The following TENT4B variants were observed in gnomAD, a reference collection of about 807,000 sequenced individuals.
TENT4B encodes terminal nucleotidyltransferase 4B.
TENT4B carries 10 observed loss-of-function variants against 75.0 expected under a neutral mutation model. The observed-to-expected ratio is 0.13, with a 90% confidence interval of 0.08 to 0.23. The LOEUF is 0.23. Ranked by LOEUF, TENT4B falls within the 10% of genes least tolerant of loss-of-function variation. The pLI, the probability that TENT4B is intolerant of heterozygous loss-of-function variation, is 1.00. For synonymous variants in TENT4B, 350 were observed against 357.7 expected (o/e 0.98, Z 0.24); for missense variants, 579 against 893.8 (o/e 0.65, Z 4.49).
chr16:50,188,889 G>A (rs1319051976), intron 1 of TENT4B, among the ~76,000 whole-genome samples: 1 of 152,124 alleles, frequency 6.6e-6, no homozygotes, highest in Admixed American at 6.6e-5. Flanking sequence ...AACAAAACAA[G>A]ATACATGCTG....
In TENT4B at chr16:50,170,145, G is replaced by A. The variant is rs182852011; in HGVS notation, c.638+15886G>A. On this transcript the variant is annotated intron_variant, in intron 1 of 11. Coordinates refer to ENST00000561678, the MANE Select transcript of TENT4B (RefSeq NM_001365324.3). ...CCGCTCACTGCAACCTCAGCCTCCC[G>A]AGTAGCTGGGATTACAGGCGCCTGC... Among the ~76,000 whole-genome samples the A allele has an allele frequency of 9.1e-4, 138 of 151,748 alleles. 1 individual carries two copies. The highest frequency in any genetic ancestry group is 3.3e-3 in the African/African-American group (135 of 41,358).
chr16:50,153,056 G>A (rs1161854393), upstream of TENT4B: 18 of 1,479,510 alleles, frequency 1.2e-5, no homozygotes, highest in Middle Eastern at 1.1e-3. Flanking sequence ...CTCCACAGAT[G>A]GCGCAAGTAC....
chr16:50,189,789 G>C (rs1596692852), intron 1 of TENT4B, among the ~76,000 whole-genome samples: 1 of 151,964 alleles, frequency 6.6e-6, no homozygotes, highest in East Asian at 1.9e-4. Flanking sequence ...GGTAGCTCAC[G>C]TAATCCCAGC....
In TENT4B at chr16:50,212,958, C is replaced by G. The variant is rs2031366343; in HGVS notation, c.763-1263C>G. ...ATCTATCTATCTCTTTCTCTCCAGC[C>G]AGCCAGGCAGCCATCATCTGTCTAC... On this transcript the variant is annotated intron_variant, in intron 2 of 11. Transcript: ENST00000561678. 2.6e-5 allele frequency among the ~76,000 whole-genome samples: 4 copies of G among 152,166 alleles called. No homozygotes were observed. In the South Asian group the frequency reaches 8.3e-4, roughly 31 times the overall value.
intron 1 of TENT4B, among the ~76,000 whole-genome samples, chr16:50,209,240 A>G (rs1282079667): frequency 6.6e-6 from 1 of 152,208 alleles, no homozygotes; most frequent in Non-Finnish European, 1.5e-5. Context: ...GATCACTCAC[A>G]GCAGACTACG....
At chr16:50,199,985 G>A (rs1348502719) in intron 1 of TENT4B, among the ~76,000 whole-genome samples, 1 of 152,110 alleles carries the variant, frequency 6.6e-6, no homozygotes, top group Non-Finnish European at 1.5e-5. Context: ...AGGTTTTTTT[G>A]TGTGTGGACA....
intron 5 of TENT4B, among the ~76,000 whole-genome samples, chr16:50,219,994 T>A (rs1044886096): frequency 0.19 from 52 of 268 alleles, no homozygotes; most frequent in East Asian, 0.5. Context: ...TTTTTTTTAA[T>A]TTTTTTTTTT....
intron 1 of TENT4B, among the ~76,000 whole-genome samples, chr16:50,177,244 C>A (rs1429351964): frequency 6.6e-6 from 1 of 152,048 alleles, no homozygotes. Context: ...CTCAGGTGAT[C>A]CACCTGTCTT....
At position 50,185,853 on chromosome 16, in the gene TENT4B, C is replaced by T. The variant is rs186017457; in HGVS notation, c.639-25470C>T. Among the ~76,000 whole-genome samples, 123 of 152,198 alleles carry T rather than the reference C, an allele frequency of 8.1e-4. 2 individuals are homozygous for T. Among genetic ancestry groups the T allele is most frequent in the African/African-American group, 2.3e-3 (96 of 41,534 alleles). On this transcript the variant is annotated intron_variant, in intron 1 of 11. Transcript: ENST00000561678. ...ACCTGTCCTCAGAGGCAAATGTGTG[C>T]CCTTTCCATCCGTACTTTTATGCTC...
At chr16:50,164,674 A>G (rs1259524666) in intron 1 of TENT4B, among the ~76,000 whole-genome samples, 2 of 152,098 alleles carry the variant, frequency 1.3e-5, no homozygotes, top group East Asian at 1.9e-4. Flanking sequence ...CTGGTTTTCA[A>G]TCTAAATTTT....
Position 50,229,390 on chromosome 16 carries a change from A to G in TENT4B, c.*62A>G. 3 of 1,531,958 alleles carry G rather than the reference A, an allele frequency of 2.0e-6. No homozygotes were observed. The highest frequency in any genetic ancestry group is 2.6e-6 in the Non-Finnish European group (3 of 1,145,072). 94.9% of individuals were successfully genotyped at this position (1,531,958 alleles called of 1,614,324 possible). A position where few individuals can be genotyped will look rare whatever the true frequency, so the allele number is the denominator to read the frequency against. On this transcript the variant is annotated 3_prime_UTR_variant, in exon 12 of 12. Coordinates refer to ENST00000561678, the MANE Select transcript of TENT4B (RefSeq NM_001365324.3). ...GATCTCATGCTCAGGACAGTTGCGC[A>G]GGGACTCCTGGGAGATATTCAGGAG... is the stretch of plus-strand genomic sequence containing the variant.
intron 1 of TENT4B, among the ~76,000 whole-genome samples, chr16:50,155,798 T>C (rs2037886993): frequency 6.6e-6 from 1 of 152,144 alleles, no homozygotes; most frequent in Non-Finnish European, 1.5e-5. Flanking sequence ...GACAAGCAAA[T>C]TGATGTTGAG....
chr16:50,174,726 C>G (rs2038270632), intron 1 of TENT4B, among the ~76,000 whole-genome samples: 4 of 148,532 alleles, frequency 2.7e-5, no homozygotes. Flanking sequence ...TTCATCAGCT[C>G]CCCGTCTCCC....
chr16:50,175,332 CT>C (rs1279875557), intron 1 of TENT4B, among the ~76,000 whole-genome samples: 1 of 152,088 alleles, frequency 6.6e-6, no homozygotes, highest in Non-Finnish European at 1.5e-5. Flanking sequence ...ATGGATTTTG[CT>C]TTTGGTATTG....
At chr16:50,207,803 A>C (rs2031066144) in intron 1 of TENT4B, among the ~76,000 whole-genome samples, 1 of 152,098 alleles carries the variant, frequency 6.6e-6, no homozygotes, top group Middle Eastern at 3.2e-3. Flanking sequence ...CAGGTGGTCC[A>C]CTCTGCCACT....
chr16:50,154,119 G>C lies in TENT4B; in HGVS notation c.498G>C (p.Lys166Asn). The C allele has an allele frequency of 6.5e-7, 1 of 1,529,768 alleles. No individual in the cohort carries two copies. Among genetic ancestry groups the C allele is most frequent in the South Asian group, 1.2e-5 (1 of 82,696 alleles). 94.8% of individuals were successfully genotyped at this position (1,529,768 alleles called of 1,614,324 possible). A position where few individuals can be genotyped will look rare whatever the true frequency, so the allele number is the denominator to read the frequency against. ...GSSNKRKRDNKASTYGLNYSL... is the reference protein window; with the variant it reads ...GSSNKRKRDNNASTYGLNYSL... The stretch of plus-strand genomic sequence containing the variant: ...GCAACAAGAGGAAGCGCGACAACAA[G>C]GCCAGCACGTATGGACTCAACTACA... Residue 166 changes from lysine to asparagine, a missense_variant, in exon 1 of 12, where the codon AAG becomes AAC. Physicochemically the swap from Lys to Asn is moderately conservative, Grantham distance 94. Coordinates refer to ENST00000561678, the MANE Select transcript of TENT4B (RefSeq NM_001365324.3).
rs2032280204 is a variant in TENT4B, at chr16:50,231,136, G to A, written c.*1808G>A. 1 of 985,386 alleles carries A rather than the reference G, an allele frequency of 1.0e-6. No homozygotes were observed. 61.0% of individuals were successfully genotyped at this position (985,386 alleles called of 1,614,324 possible). On this transcript the variant is annotated 3_prime_UTR_variant, in exon 12 of 12. Coordinates refer to ENST00000561678, the MANE Select transcript of TENT4B (RefSeq NM_001365324.3). ...CAATGGAAAAATGTGTTCCAAAACT[G>A]GAAACTCATAGTACTCGTGTAAACT...
At position 50,153,516 on chromosome 16, in the gene TENT4B, A is replaced by C. The variant is rs867028901; in HGVS notation, c.-106A>C. The C allele has an allele frequency of 3.5e-6, 3 of 855,070 alleles. No individual in the cohort carries two copies. The highest frequency in any genetic ancestry group is 2.8e-6 in the Non-Finnish European group (2 of 715,676). The allele number at this position is 855,070 out of a possible 1,614,324, so 53.0% of individuals were successfully genotyped here. A position where few individuals can be genotyped will look rare whatever the true frequency, so the allele number is the denominator to read the frequency against. The stretch of plus-strand genomic sequence containing the variant: ...CAGCAGCAGCAGCAGCAGCGGCAGC[A>C]GCGGCAGCAGCAGCAGCAGCCGAGG... On this transcript the variant is annotated 5_prime_UTR_variant, in exon 1 of 12. Transcript: ENST00000561678.
chr16:50,186,614 C>A (rs2038532511), intron 1 of TENT4B, among the ~76,000 whole-genome samples: 1 of 152,158 alleles, frequency 6.6e-6, no homozygotes, highest in African/African-American at 2.4e-5. Flanking sequence ...AGTGGAATTG[C>A]TGGATCATAT....
Sources: allele counts gnomAD v4.1 joint callset (sites outside exome capture counted in the v4.1 genomes callset), GRCh38; gene constraint gnomAD v4.1.1; transcripts MANE v1.5; gene names NCBI Gene and HGNC (gene_info 2026-07-23, HGNC 2026-07-21).